The following ZNF385D variants were observed in gnomAD, a reference collection of about 807,000 sequenced individuals.
ZNF385D encodes the protein zinc finger protein 659.
ZNF385D carries 15 observed loss-of-function variants against 35.8 expected under a neutral mutation model. The observed-to-expected ratio is 0.42, with a 90% CI of 0.28 to 0.64. The LOEUF is 0.64. Ranked by LOEUF, ZNF385D falls within the 30% of genes least tolerant of loss-of-function variation. ZNF385D has a pLI of 0.23. For missense variants in ZNF385D, 474 were observed against 494.6 expected (o/e 0.96, Z 0.39); for synonymous variants, 212 against 186.8 (o/e 1.13, Z -1.10).
chr3:21,847,293 A>T (rs1696071913), intron 3 of ZNF385D, among the ~76,000 whole-genome samples: 1 of 152,108 alleles, frequency 6.6e-6, no homozygotes, highest in South Asian at 2.1e-4. Flanking sequence ...GTATATTCAA[A>T]ACAGTCGTTG....
intron 3 of ZNF385D, among the ~76,000 whole-genome samples, chr3:22,128,118 T>A (rs1703548454): frequency 6.6e-6 from 1 of 152,218 alleles, no homozygotes; most frequent in Non-Finnish European, 1.5e-5. Flanking sequence ...GCTCTTTGTA[T>A]CTCCTTAATC....
intron 2 of ZNF385D, among the ~76,000 whole-genome samples, chr3:22,366,855 A>G (rs770353293): frequency 2.6e-5 from 4 of 152,190 alleles, no homozygotes; most frequent in Non-Finnish European, 4.4e-5. Context: ...GAGATCAGAC[A>G]CTCAGAGAAG....
intron 2 of ZNF385D, among the ~76,000 whole-genome samples, chr3:22,272,115 A>C (rs999640171): frequency 2.0e-5 from 3 of 152,084 alleles, no homozygotes; most frequent in Admixed American, 6.6e-5. Flanking sequence ...GAAGAGAAGA[A>C]GGCAGTTACT....
At chr3:21,835,420 A>G (rs1387257137) in intron 3 of ZNF385D, among the ~76,000 whole-genome samples, 1 of 151,842 alleles carries the variant, frequency 6.6e-6, no homozygotes, top group Non-Finnish European at 1.5e-5. Context: ...TGCCTCCAAA[A>G]TTCTCCAGTT....
In ZNF385D at chr3:22,070,430, T is replaced by C. The variant is rs552714155; in HGVS notation, c.325+98387A>G. ...TTATATTTAATATGTCATTATATGG[T>C]AGACATTGCTAATTGTTTCTGTTGT... On this transcript the variant is annotated intron_variant, in intron 3 of 5. Transcript: ENST00000494108. Among the ~76,000 whole-genome samples, 5 of 152,298 alleles carry C rather than the reference T, an allele frequency of 3.3e-5. No individual in the cohort carries two copies. The South Asian group carries it at 1.0e-3, about 32-fold the overall frequency.
rs76348402 is a variant in ZNF385D at position 21,829,478 on chromosome 3, G to A, written c.326-164450C>T. On this transcript the variant is annotated intron_variant, in intron 3 of 5. Coordinates refer to the ZNF385D transcript ENST00000494108. ...AGACAGGGTCAGAGAGAAGGGATGG[G>A]CCCTGACCATGCACTTTTGTGCAGG... 2.6e-3 allele frequency among the ~76,000 whole-genome samples: 395 copies of A among 152,244 alleles called. 1 individual carries two copies. The highest frequency in any genetic ancestry group is 9.0e-3 in the African/African-American group (374 of 41,558).
intron 3 of ZNF385D, among the ~76,000 whole-genome samples, chr3:21,873,476 T>C (rs1697801083): frequency 6.6e-6 from 1 of 152,166 alleles, no homozygotes; most frequent in African/African-American, 2.4e-5. Flanking sequence ...TTTCTCTTTC[T>C]TATTGTGGTA....
intron 2 of ZNF385D, chr3:22,372,313 G>T: frequency 3.0e-6 from 1 of 329,764 alleles, no homozygotes; most frequent in Non-Finnish European, 4.3e-6. Context: ...CGGTGCGAAC[G>T]CCCATTCCGC....
upstream of ZNF385D, among the ~76,000 whole-genome samples, chr3:21,752,608 TAAAG>T (rs1372652448): frequency 6.6e-6 from 1 of 152,066 alleles, no homozygotes; most frequent in African/African-American, 2.4e-5. Context: ...CGCTAGATTA[TAAAG>T]AATTTGGTGA....
At chr3:22,272,517 T>G (rs1701228435) in intron 2 of ZNF385D, among the ~76,000 whole-genome samples, 1 of 152,134 alleles carries the variant, frequency 6.6e-6, no homozygotes, top group Admixed American at 6.6e-5. Context: ...TTCACTGATT[T>G]CCTCAGGGAG....
At chr3:22,326,661 T>C (rs1039453230) in intron 2 of ZNF385D, among the ~76,000 whole-genome samples, 4 of 152,136 alleles carry the variant, frequency 2.6e-5, no homozygotes, top group Non-Finnish European at 5.9e-5. Context: ...AACACTTAGA[T>C]GGATTTGGGT....
At chr3:21,599,355 A>G (rs1184367336) in intron 2 of ZNF385D, among the ~76,000 whole-genome samples, 3 of 152,264 alleles carry the variant, frequency 2.0e-5, no homozygotes, top group African/African-American at 7.2e-5. Context: ...GAGGTGTGGT[A>G]TAAAGAAATA....
chr3:21,710,432 A>T (rs930671301), intron 1 of ZNF385D, among the ~76,000 whole-genome samples: 5 of 152,136 alleles, frequency 3.3e-5, no homozygotes, highest in African/African-American at 1.2e-4. Flanking sequence ...ATAAAGTTCA[A>T]CTGTATGGCT....
chr3:21,716,919 C>T (rs1459782282), intron 1 of ZNF385D, among the ~76,000 whole-genome samples: 2 of 151,898 alleles, frequency 1.3e-5, no homozygotes, highest in Non-Finnish European at 2.9e-5. Flanking sequence ...GTCAAGAGAT[C>T]GAGACCATCC....
chr3:22,364,278 T>A (rs1696550921), intron 2 of ZNF385D, among the ~76,000 whole-genome samples: 1 of 152,206 alleles, frequency 6.6e-6, no homozygotes, highest in South Asian at 2.1e-4. Context: ...ATGAAAATTT[T>A]AAAATTTTGT....
intron 3 of ZNF385D, among the ~76,000 whole-genome samples, chr3:21,822,364 G>A (rs1481600564): frequency 2.0e-5 from 3 of 152,044 alleles, no homozygotes; most frequent in African/African-American, 4.8e-5. Flanking sequence ...GAATCACCGC[G>A]CCCAGCCTGG....
intron 2 of ZNF385D, among the ~76,000 whole-genome samples, chr3:22,175,878 T>C (rs1168907083): frequency 6.7e-6 from 1 of 149,356 alleles, no homozygotes; most frequent in Non-Finnish European, 1.5e-5. Flanking sequence ...TGTAGAAAAA[T>C]TTATTTTACT....
intron 3 of ZNF385D, among the ~76,000 whole-genome samples, chr3:21,980,610 T>G (rs192114083): frequency 7.2e-5 from 11 of 152,156 alleles, no homozygotes; most frequent in African/African-American, 2.7e-4. Flanking sequence ...TATGAAAATT[T>G]TGTTACATAA....
At chr3:21,677,749 T>C (rs1178627281) in intron 1 of ZNF385D, among the ~76,000 whole-genome samples, 2 of 151,896 alleles carry the variant, frequency 1.3e-5, no homozygotes, top group African/African-American at 4.8e-5. Context: ...AAATTTTGAG[T>C]AGTTCATATA....
Sources: allele counts gnomAD v4.1 joint callset (sites outside exome capture counted in the v4.1 genomes callset), GRCh38; gene constraint gnomAD v4.1.1; transcripts MANE v1.5; gene names NCBI Gene and HGNC (gene_info 2026-07-23, HGNC 2026-07-21).